The following GAS2 variants were observed in gnomAD, a reference collection of about 807,000 sequenced individuals.
GAS2 encodes growth arrest-specific protein 2.
A neutral mutation model predicts 37.5 loss-of-function variants in GAS2; 20 were observed. That is an observed-to-expected ratio of 0.53 (90% CI 0.37 to 0.77). The LOEUF (loss-of-function observed/expected upper bound fraction) is 0.77, where lower values mean the gene tolerates loss of function less well. Ranked by LOEUF, GAS2 falls within the 30% of genes least tolerant of loss-of-function variation. GAS2 has a pLI of 0.00. For missense variants in GAS2, 336 were observed against 373.4 expected (o/e 0.90, Z 0.82); for synonymous variants, 144 against 132.2 (o/e 1.09, Z -0.61).
chr11:22,775,508 C>T lies in GAS2; in HGVS notation c.723+19555C>T, dbSNP rs191831407. ...ATCTGCCTGGCATGGAGGAATTGGT[C>T]GGGTTTCAAAATGTCAGAATTTCTG... On this transcript the variant is annotated intron_variant, in intron 7 of 7. Transcript: ENST00000454584. Among the ~76,000 whole-genome samples the T allele has an allele frequency of 2.4e-4, 36 of 152,156 alleles. 1 individual carries two copies. Among genetic ancestry groups the T allele is most frequent in the Admixed American group, 2.1e-3 (32 of 15,294 alleles).
chr11:22,674,088 A>G (rs1011020875), intron 1 of GAS2, among the ~76,000 whole-genome samples: 1 of 152,214 alleles, frequency 6.6e-6, no homozygotes, highest in Non-Finnish European at 1.5e-5. Flanking sequence ...TGGCTATTCC[A>G]TTTTGTAAAA....
chr11:22,776,276 T>C (rs776983650), intron 7 of GAS2, among the ~76,000 whole-genome samples: 14 of 152,200 alleles, frequency 9.2e-5, no homozygotes, highest in Non-Finnish European at 1.2e-4. Context: ...ATGGTTTCTG[T>C]TACAACTACT....
chr11:22,712,810 C>T (rs1474739545), intron 3 of GAS2, among the ~76,000 whole-genome samples: 1 of 152,074 alleles, frequency 6.6e-6, no homozygotes, highest in East Asian at 1.9e-4. Flanking sequence ...GGGGCAGTGG[C>T]TCATGCCTGT....
At chr11:22,662,142 T>C (rs1170450594), upstream of GAS2, among the ~76,000 whole-genome samples, 1 of 152,216 alleles carries the variant, frequency 6.6e-6, no homozygotes, top group Admixed American at 6.5e-5. Flanking sequence ...TGCACTCTTG[T>C]TATATTGGCT....
Position 22,749,229 on chromosome 11 carries a change from A to G in GAS2, c.583A>G (p.Lys195Glu). 6.2e-7 allele frequency: 1 copy of G among 1,612,534 alleles called. No individual in the cohort carries two copies. Among genetic ancestry groups the G allele is most frequent in the South Asian group, 1.1e-5 (1 of 90,998 alleles). Residue 195 changes from lysine (K) to glutamate (E), a missense_variant, in exon 6 of 8, where the codon AAA (lysine) becomes GAA (glutamate). Coordinates refer to ENST00000454584, the MANE Select transcript of GAS2 (RefSeq NM_001143830.3). Reference sequence around the variant, plus strand: ...TTCTCCTTCATCAAAGTCTTCTGGAAAAAAGAGTACAGGAAACTTACTGGA... The same window carrying G: ...TTCTCCTTCATCAAAGTCTTCTGGAGAAAAGAGTACAGGAAACTTACTGGA... ...SPSPSSKSSG[K>E]KSTGNLLDDA...
intron 3 of GAS2, among the ~76,000 whole-genome samples, chr11:22,711,197 G>A (rs1851388093): frequency 1.3e-5 from 2 of 152,196 alleles, no homozygotes; most frequent in Non-Finnish European, 1.5e-5. Context: ...TATCCCCACT[G>A]TGAACTGAAA....
intron 7 of GAS2, among the ~76,000 whole-genome samples, chr11:22,794,608 A>G (rs1199812610): frequency 6.6e-6 from 1 of 152,132 alleles, no homozygotes; most frequent in Non-Finnish European, 1.5e-5. Flanking sequence ...ATCATTATTC[A>G]GCATTTATTT....
Position 22,726,289 on chromosome 11 carries a change from C to T in GAS2, c.268-3C>T. On this transcript the variant is annotated splice_polypyrimidine_tract_variant and splice_region_variant and intron_variant, in intron 3 of 7. Transcript: ENST00000454584. ...TCCTAGAACGAATTTCTTTATTTTT[C>T]AGAATCTACCGTTGAAGAAGATCCC... 6.3e-7 allele frequency: 1 copy of T among 1,586,894 alleles called. No individual in the cohort carries two copies. Among genetic ancestry groups the T allele is most frequent in the Middle Eastern group, 1.7e-4 (1 of 5,904 alleles).
intron 4 of GAS2, among the ~76,000 whole-genome samples, chr11:22,735,224 C>CTTTTTTT (rs397750049): frequency 6.4e-5 from 7 of 109,150 alleles, no homozygotes; most frequent in Admixed American, 1.0e-4. Context: ...ACCAATCATT[C>CTTTTTTT]TTTTTTTTTT....
At chr11:22,649,128 G>T (rs1246675278) in intron 1 of GAS2, among the ~76,000 whole-genome samples, 12 of 151,818 alleles carry the variant, frequency 7.9e-5, no homozygotes, top group Non-Finnish European at 1.5e-4. Context: ...TAGCATGAAG[G>T]GTTGTTGAAT....
At chr11:22,629,319 C>T (rs767933207) in intron 1 of GAS2, among the ~76,000 whole-genome samples, 4 of 152,152 alleles carry the variant, frequency 2.6e-5, no homozygotes, top group Non-Finnish European at 4.4e-5. Flanking sequence ...TCACCACATC[C>T]GTGCCAGCAT....
intron 7 of GAS2, among the ~76,000 whole-genome samples, chr11:22,789,454 A>ATATATATATATATATATATTT (rs1564889924): frequency 6.5e-5 from 4 of 61,212 alleles, no homozygotes; most frequent in Non-Finnish European, 1.0e-4. Context: ...ATATATATAT[A>ATATATATATATATATATATTT]TTCTTTTTTT....
chr11:22,713,694 G>A (rs966879987), intron 3 of GAS2, among the ~76,000 whole-genome samples: 7 of 152,128 alleles, frequency 4.6e-5, no homozygotes, highest in Non-Finnish European at 8.8e-5. Context: ...GAAGGGATTG[G>A]GGTCCTATCT....
chr11:22,735,525 A>G (rs1190252177), intron 4 of GAS2, among the ~76,000 whole-genome samples: 1 of 151,802 alleles, frequency 6.6e-6, no homozygotes, highest in Non-Finnish European at 1.5e-5. Flanking sequence ...TGCTTTTCTA[A>G]TGAGTCTGTG....
intron 1 of GAS2, among the ~76,000 whole-genome samples, chr11:22,653,309 C>T (rs1848818415): frequency 6.6e-6 from 1 of 152,240 alleles, no homozygotes; most frequent in Non-Finnish European, 1.5e-5. Flanking sequence ...TAAACAAGAA[C>T]TGTGCCTCAG....
chr11:22,644,888 TGCTGGGATTACAGGCATGA>T (rs2133822202), intron 1 of GAS2, among the ~76,000 whole-genome samples: 1 of 152,294 alleles, frequency 6.6e-6, no homozygotes, highest in East Asian at 1.9e-4. Context: ...CCTCCCAAAG[TGCTGGGATTACAGGCATGA>T]GCCACCACTA....
At chr11:22,769,511 A>G (rs1854867931) in intron 7 of GAS2, among the ~76,000 whole-genome samples, 1 of 152,248 alleles carries the variant, frequency 6.6e-6, no homozygotes, top group Non-Finnish European at 1.5e-5. Context: ...ACATGTATAC[A>G]TATATCAACT....
At chr11:22,745,133 A>AAAT (rs55957978) in intron 5 of GAS2, among the ~76,000 whole-genome samples, 293 of 121,440 alleles carry the variant, frequency 2.4e-3, no homozygotes, top group Admixed American at 5.2e-3. Flanking sequence ...AAAAAAAAAA[A>AAAT]GAAAGAAAAA....
In GAS2 at chr11:22,726,403, G is replaced by A. The variant is rs1205756000; in HGVS notation, c.379G>A (p.Glu127Lys). The A allele has an allele frequency of 6.2e-7, 1 of 1,612,352 alleles. No individual in the cohort carries two copies. Among genetic ancestry groups the A allele is most frequent in the Non-Finnish European group, 8.5e-7 (1 of 1,179,192 alleles). Residue 127 changes from glutamate (E) to lysine (K), a missense_variant, in exon 4 of 8, where the codon GAA becomes AAA. Physicochemically the swap from Glu to Lys is moderately conservative, Grantham distance 56 (BLOSUM62 1). Transcript: ENST00000454584. Reference protein sequence around the residue: ...LSWCRDLGVDETCLFESEGLV... With the variant: ...LSWCRDLGVDKTCLFESEGLV... ...CTGGTGCCGAGATTTAGGGGTGGAT[G>A]AAACGTGTCTATTTGAATCGGAAGG...
Sources: allele counts gnomAD v4.1 joint callset (sites outside exome capture counted in the v4.1 genomes callset), GRCh38; gene constraint gnomAD v4.1.1; transcripts MANE v1.5; gene names NCBI Gene and HGNC (gene_info 2026-07-23, HGNC 2026-07-21).